The following APLF variants were observed in gnomAD, a reference collection of about 807,000 sequenced individuals.
APLF encodes the protein aprataxin and PNK-like factor.
In APLF, 61 loss-of-function variants were observed where a neutral mutation model predicts 55.6. The ratio of observed to expected loss-of-function variants is 1.10; its 90% confidence interval spans 0.89 to 1.36. The LOEUF (loss-of-function observed/expected upper bound fraction) is 1.36. Ranked by LOEUF, APLF falls within the 40% of genes most tolerant of loss-of-function variation. APLF has a pLI of 0.00. For missense variants in APLF, 611 were observed against 602.5 expected (o/e 1.01, Z -0.15); for synonymous variants, 207 against 214.8 (o/e 0.96, Z 0.32).
Position 68,575,121 on chromosome 2 carries a change from C to G in APLF, c.1334-2699C>G, listed in dbSNP as rs777127599. 2.0e-5 allele frequency among the ~76,000 whole-genome samples: 3 copies of G among 151,892 alleles called. No individual in the cohort carries two copies. The South Asian group carries it at 6.2e-4, about 31-fold the overall frequency. The stretch of plus-strand genomic sequence containing the variant: ...TAAGCTGTGTAGGAGGACAGAATAG[C>G]AAGGGTGTGTACATGGTATGGGGAA... On this transcript the variant is annotated intron_variant, in intron 9 of 9. Transcript: ENST00000303795.
At chr2:68,569,989 A>G (rs946618787) in intron 9 of APLF, among the ~76,000 whole-genome samples, 12 of 152,166 alleles carry the variant, frequency 7.9e-5, no homozygotes, top group Non-Finnish European at 1.5e-4. Context: ...TAATACAATT[A>G]TTAATATAGT....
intron 8 of APLF, among the ~76,000 whole-genome samples, chr2:68,563,819 G>A (rs765517641): frequency 1.2e-4 from 18 of 151,912 alleles, no homozygotes; most frequent in Non-Finnish European, 1.8e-4. Flanking sequence ...CTTGGTACCC[G>A]AAGCAAACAT....
chr2:68,572,219 T>G (rs1671488618), intron 9 of APLF, among the ~76,000 whole-genome samples: 1 of 152,030 alleles, frequency 6.6e-6, no homozygotes, highest in Admixed American at 6.6e-5. Flanking sequence ...GAAATGAACT[T>G]TATATATAAT....
chr2:68,567,122 C>A (rs1189436560), intron 8 of APLF, among the ~76,000 whole-genome samples: 1 of 152,050 alleles, frequency 6.6e-6, no homozygotes, highest in East Asian at 1.9e-4. Flanking sequence ...GAGGTAAGAA[C>A]TTTGTCTTCT....
intron 1 of APLF, among the ~76,000 whole-genome samples, chr2:68,471,842 CAA>C (rs1301741170): frequency 6.6e-6 from 1 of 151,984 alleles, no homozygotes; most frequent in Non-Finnish European, 1.5e-5. Context: ...TATTCTGAGC[CAA>C]ATATGAGTGA....
intron 2 of APLF, among the ~76,000 whole-genome samples, chr2:68,494,620 A>G (rs1171410228): frequency 6.6e-6 from 1 of 152,048 alleles, no homozygotes; most frequent in South Asian, 2.1e-4. Flanking sequence ...CCCAGCATCC[A>G]TTAGCTATTC....
chr2:68,561,515 C>T (rs151318291), intron 8 of APLF, among the ~76,000 whole-genome samples: 30 of 152,162 alleles, frequency 2.0e-4, no homozygotes, highest in African/African-American at 7.2e-4. Flanking sequence ...TTGACTAGAG[C>T]TAAGTGTCTT....
intron 8 of APLF, among the ~76,000 whole-genome samples, chr2:68,548,071 A>T (rs1412154395): frequency 6.6e-6 from 1 of 151,846 alleles, no homozygotes; most frequent in Non-Finnish European, 1.5e-5. Context: ...TTACTGACAA[A>T]ACTCTGCAGT....
At chr2:68,495,908 C>G (rs892449647) in intron 2 of APLF, among the ~76,000 whole-genome samples, 3 of 152,162 alleles carry the variant, frequency 2.0e-5, no homozygotes, top group Non-Finnish European at 4.4e-5. Context: ...ATGGCTGGAG[C>G]CAGAGCAGTG....
chr2:68,519,377 T>G (rs1669822547), intron 5 of APLF, among the ~76,000 whole-genome samples: 1 of 148,216 alleles, frequency 6.7e-6, no homozygotes, highest in African/African-American at 2.5e-5. Flanking sequence ...ATCTACCAAG[T>G]GAAAGAAAAT....
chr2:68,505,658 C>T (rs143286657), intron 3 of APLF, among the ~76,000 whole-genome samples: 2 of 152,130 alleles, frequency 1.3e-5, no homozygotes, highest in Non-Finnish European at 2.9e-5. Context: ...TACAAATTAA[C>T]AGCCAGATGA....
In APLF at chr2:68,527,260, G is replaced by A. The variant is rs551069615; in HGVS notation, c.804+1018G>A. Among the ~76,000 whole-genome samples the A allele has an allele frequency of 1.3e-4, 20 of 151,720 alleles. No homozygotes were observed. In the East Asian group the frequency reaches 3.9e-3, roughly 30 times the overall value. ...TTCTCATTTCCCAGACGGTGAGGAGGCGGGGCAGAGGCACTCCTCACTTCC... is the reference window on the plus strand; with the variant it reads ...TTCTCATTTCCCAGACGGTGAGGAGACGGGGCAGAGGCACTCCTCACTTCC... On this transcript the variant is annotated intron_variant, in intron 6 of 9. Coordinates refer to ENST00000303795, the MANE Select transcript of APLF (RefSeq NM_173545.3).
At chr2:68,510,357 A>G (rs1677008862) in intron 3 of APLF, among the ~76,000 whole-genome samples, 1 of 151,922 alleles carries the variant, frequency 6.6e-6, no homozygotes, top group Non-Finnish European at 1.5e-5. Context: ...ACCCAATTTT[A>G]AAATGCATAA....
At chr2:68,537,164 CAA>C (rs532219555) in intron 6 of APLF, among the ~76,000 whole-genome samples, 19 of 101,574 alleles carry the variant, frequency 1.9e-4, no homozygotes, top group African/African-American at 1.5e-4. Flanking sequence ...GACTCCATCT[CAA>C]AAAAAAAAAA....
intron 3 of APLF, among the ~76,000 whole-genome samples, chr2:68,508,618 A>G (rs1676946981): frequency 1.3e-5 from 2 of 151,982 alleles, no homozygotes. Context: ...CATTACACTT[A>G]AAAGTTCTGT....
At position 68,571,142 on chromosome 2, in the gene APLF, TG is replaced by T. The variant is rs765554951; in HGVS notation, c.1333+3756del. Among the ~76,000 whole-genome samples the T allele has an allele frequency of 4.4e-3, 664 of 152,170 alleles. 3 individuals are homozygous for T. Among genetic ancestry groups the T allele is most frequent in the Non-Finnish European group, 7.4e-3 (500 of 67,998 alleles). On this transcript the variant is annotated intron_variant, in intron 9 of 9. Transcript: ENST00000303795. ...TCCTTCACCCCCTTTTTGATGGGGT[TG>T]TTTTTTTTTCTTGTAAATTTGTTTG...
intron 5 of APLF, among the ~76,000 whole-genome samples, chr2:68,525,742 C>CTTTTTTT (rs386390398): frequency 5.1e-4 from 42 of 82,022 alleles, no homozygotes; most frequent in African/African-American, 1.8e-3. Flanking sequence ...TTCTTTCTTT[C>CTTTTTTT]TTTTTTTTTT....
Position 68,520,735 on chromosome 2 carries a change from G to A in APLF, c.623-5326G>A, listed in dbSNP as rs113242562. Among the ~76,000 whole-genome samples, 644 of 151,892 alleles carry A rather than the reference G, an allele frequency of 4.2e-3. 4 individuals carry two copies. Among genetic ancestry groups the A allele is most frequent in the African/African-American group, 0.015 (614 of 41,462 alleles). ...TAGCCTTGTAGTACAGTTTGAAGTC[G>A]GGTAATGTGATGCCTCCGGATTTGT... is the stretch of plus-strand genomic sequence containing the variant. On this transcript the variant is annotated intron_variant, in intron 5 of 9. Coordinates refer to ENST00000303795, the MANE Select transcript of APLF (RefSeq NM_173545.3).
chr2:68,475,361 TCAC>T (rs1316708703), intron 1 of APLF, among the ~76,000 whole-genome samples: 1 of 152,200 alleles, frequency 6.6e-6, no homozygotes, highest in Non-Finnish European at 1.5e-5. Flanking sequence ...GGCTAACAAT[TCAC>T]CAGCCTTGAA....
Sources: allele counts gnomAD v4.1 joint callset (sites outside exome capture counted in the v4.1 genomes callset), GRCh38; gene constraint gnomAD v4.1.1; transcripts MANE v1.5; gene names NCBI Gene and HGNC (gene_info 2026-07-23, HGNC 2026-07-21).